Variants in ASIC3 observed in about 807,000 individuals in gnomAD.
The protein encoded by ASIC3 is acid-sensing ion channel 3.
Under a neutral mutation model 58.6 loss-of-function variants are expected in ASIC3, and 46 were observed. That is an observed-to-expected ratio of 0.79 (90% CI 0.62 to 1.00). The LOEUF (loss-of-function observed/expected upper bound fraction) is 1.00. Ranked by LOEUF, ASIC3 falls within the 50% of genes least tolerant of loss-of-function variation. The pLI, the probability that ASIC3 is intolerant of heterozygous loss-of-function variation, is 0.00. For missense variants in ASIC3, 770 were observed against 735.0 expected (o/e 1.05, Z -0.55); for synonymous variants, 336 against 300.2 (o/e 1.12, Z -1.23).
chr7:151,050,588 G>A lies in ASIC3; in HGVS notation c.793G>A (p.Val265Ile), dbSNP rs770372283. The change falls in exon 3 of 11, where the codon GTT becomes ATT. Residue 265 changes from valine (V) to isoleucine (I), a missense_variant. Physicochemically the swap from Val to Ile is conservative, Grantham distance 29. Transcript: ENST00000349064. ...LGVSPGYQTF[V>I]SCQQQQLSFL... ...GGTGTCCCCGGGCTACCAGACCTTT[G>A]TTTCTTGCCAGCAGCAGCAGGTACC... is the stretch of plus-strand genomic sequence containing the variant. The A allele has an allele frequency of 6.2e-7, 1 of 1,614,058 alleles. No homozygotes were observed. The highest frequency in any genetic ancestry group is 8.5e-7 in the Non-Finnish European group (1 of 1,179,976).
At position 151,052,214 on chromosome 7, in the gene ASIC3, C is replaced by T; in HGVS notation, c.1435C>T (p.Gln479Ter). Residue 479 changes from glutamine to a stop codon, truncating the protein, a stop_gained, in exon 9 of 11, where the codon CAA becomes TAA. Transcript: ENST00000349064. LOFTEE classifies it high-confidence loss of function. The surrounding 1 kb of genome is among the most constrained non-coding windows in gnomAD (Gnocchi z 5.0). ...ATATTTCTGGAACCGACAGCACTCC[C>T]AAAGGCACTCCAGCACCAATCTGGT... The part of the protein sequence containing the change: ...LGYFWNRQHS[Q>*]RHSSTNLLQE... 6.2e-7 allele frequency: 1 copy of T among 1,614,050 alleles called. No individual in the cohort carries two copies. The highest frequency in any genetic ancestry group is 8.5e-7 in the Non-Finnish European group (1 of 1,179,986).
rs778006863 is a variant in ASIC3 at position 151,050,770 on chromosome 7, C to T, written c.826C>T (p.Pro276Ser). Reference sequence around the variant, plus strand: ...TGTCCCCCCACAGCTGAGCTTCCTGCCACCGCCCTGGGGCGATTGCAGTTC... The same window carrying T: ...TGTCCCCCCACAGCTGAGCTTCCTGTCACCGCCCTGGGGCGATTGCAGTTC... ...SCQQQQLSFLPPPWGDCSSAS... is the reference protein window; with the variant it reads ...SCQQQQLSFLSPPWGDCSSAS... The change falls in exon 4 of 11, where the codon CCA (proline) becomes TCA (serine). Residue 276 changes from proline to serine, a missense_variant. Physicochemically the swap from Pro to Ser is moderately conservative, Grantham distance 74. Coordinates refer to ENST00000349064, the MANE Select transcript of ASIC3 (RefSeq NM_004769.4). 1.9e-6 allele frequency: 3 copies of T among 1,613,582 alleles called. No individual in the cohort carries two copies. In the South Asian group the frequency reaches 3.3e-5, roughly 18 times the overall value.
At chr7:151,050,422 T>A in intron 2 of ASIC3, 59 bp from the exon 3 acceptor site, 1 of 1,597,446 alleles carries the variant, frequency 6.3e-7, no homozygotes, top group Non-Finnish European at 8.5e-7. Context: ...AGAGGTCTTG[T>A]CTGGTTGGGC....
rs1214967821 is a variant in ASIC3 at position 151,049,003 on chromosome 7, C to G, written c.118C>G (p.Leu40Val). The G allele has an allele frequency of 6.2e-7, 1 of 1,611,936 alleles. No homozygotes were observed. The highest frequency in any genetic ancestry group is 8.5e-7 in the Non-Finnish European group (1 of 1,178,556). ...CGTCTTCGGGCCAGGCAGCCTGAGC[C>G]TGCGCCGGGGGATGTGGGCAGCGGC... ...GHVFGPGSLS[L>V]RRGMWAAAVV... Residue 40 changes from leucine (L) to valine (V), a missense_variant, in exon 1 of 11, where the codon CTG becomes GTG. By Grantham distance (32) the Leu-to-Val change is conservative (BLOSUM62 1). Transcript: ENST00000349064.
chr7:151,052,253 C>T lies in ASIC3; in HGVS notation c.1458+16C>T. 1.2e-6 allele frequency: 2 copies of T among 1,614,034 alleles called. No individual in the cohort carries two copies. Among genetic ancestry groups the T allele is most frequent in the South Asian group, 2.2e-5 (2 of 91,088 alleles). Reference sequence around the variant, plus strand: ...CACCAATCTGGTAACAGCCCCTCTTCTGGAGCCCTTGCCTGCTCCAAGGGT... The same window carrying T: ...CACCAATCTGGTAACAGCCCCTCTTTTGGAGCCCTTGCCTGCTCCAAGGGT... On this transcript the variant is annotated intron_variant, in intron 9 of 10. Coordinates refer to ENST00000349064, the MANE Select transcript of ASIC3 (RefSeq NM_004769.4). The surrounding 1 kb of genome is among the most constrained non-coding windows in gnomAD (Gnocchi z 5.0).
intron 3 of ASIC3, 30 bp from the exon 4 acceptor site, chr7:151,050,728 G>T: frequency 6.2e-7 from 1 of 1,609,654 alleles, no homozygotes; most frequent in East Asian, 2.2e-5. Context: ...ACGCTCTCCG[G>T]GAAGCCTCCT....
intron 1 of ASIC3, 118 bp downstream of exon 1, chr7:151,049,537 C>A: frequency 7.8e-7 from 1 of 1,284,142 alleles, no homozygotes; most frequent in Non-Finnish European, 1.1e-6. Flanking sequence ...CCTCTTCCTT[C>A]CTACCAGCCA....
chr7:151,051,743 C>T, intron 6 of ASIC3, 67 bp from the exon 7 acceptor site: 1 of 1,533,014 alleles, frequency 6.5e-7, no homozygotes, highest in Non-Finnish European at 9.0e-7. Flanking sequence ...GAACCCACAG[C>T]TGCTTCTTGC....
rs141877615 is a variant in ASIC3 at position 151,049,290 on chromosome 7, G to T, written c.405G>T (p.Pro135=). 2 of 1,612,504 alleles carry T rather than the reference G, an allele frequency of 1.2e-6. No individual in the cohort carries two copies. Among genetic ancestry groups the T allele is most frequent in the Non-Finnish European group, 1.7e-6 (2 of 1,179,940 alleles). The change falls in exon 1 of 11, where the codon CCG becomes CCT. Residue 135 remains proline, a synonymous_variant. Coordinates refer to ENST00000349064, the MANE Select transcript of ASIC3 (RefSeq NM_004769.4). Reference sequence around the variant, plus strand: ...GCGCCCTGGGCCGGCCCCCTGCACCGCCCGGCTTCATGCCCAGTCCCACCT... The same window carrying T: ...GCGCCCTGGGCCGGCCCCCTGCACCTCCCGGCTTCATGCCCAGTCCCACCT... The part of the protein sequence containing the change: ...FLRALGRPPA[P]PGFMPSPTFD...
chr7:151,052,516 C>A lies in ASIC3; in HGVS notation c.1517+42C>A, dbSNP rs1484213765. ...CCCTAAAATCAAGGGAGGGCAGGGG[C>A]AGGCTCAGGACAGTGGGTGTGCCCG... is the stretch of plus-strand genomic sequence containing the variant. On this transcript the variant is annotated intron_variant, in intron 10 of 10. Coordinates refer to ENST00000349064, the MANE Select transcript of ASIC3 (RefSeq NM_004769.4). This position sits in a 1 kb window ranked among gnomAD's most constrained non-coding sequence, Gnocchi z 5.0. 8.7e-6 allele frequency: 14 copies of A among 1,613,830 alleles called. No individual in the cohort carries two copies. Among genetic ancestry groups the A allele is most frequent in the Middle Eastern group, 3.3e-4 (2 of 6,062 alleles).
intron 1 of ASIC3, 138 bp downstream of exon 1, chr7:151,049,557 CA>C: frequency 9.4e-7 from 1 of 1,066,746 alleles, no homozygotes; most frequent in South Asian, 1.6e-5. Context: ...ATGGACTCCC[CA>C]CCCCCCAGTG....
rs1185171214 is a variant in ASIC3, at chr7:151,052,466, G to C, written c.1509G>C (p.Leu503=). 1 of 1,614,122 alleles carries C rather than the reference G, an allele frequency of 6.2e-7. No individual in the cohort carries two copies. The change falls in exon 10 of 11, where the codon CTG becomes CTC. Residue 503 remains leucine (L), a synonymous_variant. Transcript: ENST00000349064. The surrounding 1 kb of genome is among the most constrained non-coding windows in gnomAD (Gnocchi z 5.0). Reference sequence around the variant, plus strand: ...GAACCCAAGTTCCCCACCTCAGCCTGGGCCCCAGGTAACACATAATGGCCC... The same window carrying C: ...GAACCCAAGTTCCCCACCTCAGCCTCGGCCCCAGGTAACACATAATGGCCC... ...SHRTQVPHLS[L]GPRPPTPPCA...
At chr7:151,051,140 G>C (rs1796765804) in intron 5 of ASIC3, 32 bp from the exon 6 acceptor site, 1 of 1,599,292 alleles carries the variant, frequency 6.3e-7, no homozygotes, top group African/African-American at 1.3e-5. Context: ...CGCTCCGCCC[G>C]CGGGCGTCTG....
Position 151,048,758 on chromosome 7 carries a change from C to G in ASIC3, c.-128C>G. ...CTCCCTGCCTTCCAACCTTGGCTGTCTCCCACCCTCTCTTCTCCTCTCCTT... is the reference window on the plus strand; with the variant it reads ...CTCCCTGCCTTCCAACCTTGGCTGTGTCCCACCCTCTCTTCTCCTCTCCTT... On this transcript the variant is annotated 5_prime_UTR_variant, in exon 1 of 11. Coordinates refer to ENST00000349064, the MANE Select transcript of ASIC3 (RefSeq NM_004769.4). 4 of 1,213,054 alleles carry G rather than the reference C, an allele frequency of 3.3e-6. No homozygotes were observed. The highest frequency in any genetic ancestry group is 4.6e-6 in the Non-Finnish European group (4 of 865,758). The allele number at this position is 1,213,054 out of a possible 1,614,324, so 75.1% of individuals were successfully genotyped here. A position where few individuals can be genotyped will look rare whatever the true frequency, so the allele number is the denominator to read the frequency against.
At chr7:151,050,983 G>A (rs770040253) in intron 4 of ASIC3, 30 bp downstream of exon 4, 12 of 1,613,292 alleles carry the variant, frequency 7.4e-6, no homozygotes, top group Non-Finnish European at 1.0e-5. Context: ...GTCCCATGGC[G>A]GGCAGGGCCC....
At position 151,051,858 on chromosome 7, in the gene ASIC3, G is replaced by C; in HGVS notation, c.1263G>C (p.Glu421Asp). ...TCTTCTTTGAGGCCCTCAACTATGA[G>C]ACCGTGGAGCAGAAGAAGGCCTATG... is the stretch of plus-strand genomic sequence containing the variant. ...LDIFFEALNY[E>D]TVEQKKAYEM... The change falls in exon 7 of 11, where the codon GAG becomes GAC. Residue 421 changes from glutamate (E) to aspartate (D), a missense_variant. Coordinates refer to ENST00000349064, the MANE Select transcript of ASIC3 (RefSeq NM_004769.4). 6.2e-7 allele frequency: 1 copy of C among 1,613,656 alleles called. No individual in the cohort carries two copies.
rs772676029 is a variant in ASIC3 at position 151,051,070 on chromosome 7, C to T, written c.1041C>T (p.Tyr347=). 1.2e-5 allele frequency: 19 copies of T among 1,613,060 alleles called. No homozygotes were observed. The highest frequency in any genetic ancestry group is 1.4e-5 in the Non-Finnish European group (17 of 1,179,996). The part of the protein sequence containing the change: ...GDVPVCSPQQ[Y]KNCAHPAIDA... Reference sequence around the variant, plus strand: ...TGCCAGTGTGCAGCCCCCAGCAGTACAAGAACTGTGCCCACCCGGCCATAG... The same window carrying T: ...TGCCAGTGTGCAGCCCCCAGCAGTATAAGAACTGTGCCCACCCGGCCATAG... The change falls in exon 5 of 11, where the codon TAC becomes TAT. Residue 347 remains tyrosine, a synonymous_variant. Transcript: ENST00000349064.
intron 6 of ASIC3, among the ~76,000 whole-genome samples, 197 bp downstream of exon 6, chr7:151,051,516 G>GTT (rs1333370963): frequency 8.7e-6 from 1 of 114,326 alleles, no homozygotes; most frequent in African/African-American, 3.3e-5. Context: ...CCAGGGGTCT[G>GTT]TTTTTTTTTC....
At position 151,051,864 on chromosome 7, in the gene ASIC3, G is replaced by A; in HGVS notation, c.1269G>A (p.Val423=). ...TTGAGGCCCTCAACTATGAGACCGT[G>A]GAGCAGAAGAAGGCCTATGAGATGT... The part of the protein sequence containing the change: ...IFFEALNYET[V]EQKKAYEMSE... The change falls in exon 7 of 11, where the codon GTG becomes GTA. Residue 423 remains valine (V), a synonymous_variant. Coordinates refer to ENST00000349064, the MANE Select transcript of ASIC3 (RefSeq NM_004769.4). 1 of 1,613,622 alleles carries A rather than the reference G, an allele frequency of 6.2e-7. No individual in the cohort carries two copies. Among genetic ancestry groups the A allele is most frequent in the Non-Finnish European group, 8.5e-7 (1 of 1,179,944 alleles).
Sources: allele counts gnomAD v4.1 joint callset (sites outside exome capture counted in the v4.1 genomes callset), GRCh38; gene constraint gnomAD v4.1.1; non-coding constraint Gnocchi (gnomAD v3.1); transcripts MANE v1.5; gene names NCBI Gene and HGNC (gene_info 2026-07-23, HGNC 2026-07-21).